SESN2: variants seen among roughly 807,000 people sequenced by gnomAD.
The protein encoded by SESN2 is sestrin 2.
Under a neutral mutation model 56.0 loss-of-function variants are expected in SESN2, and 42 were observed. The ratio of observed to expected loss-of-function variants is 0.75; its 90% CI spans 0.59 to 0.97. SESN2 has a LOEUF of 0.97. Among genes scored for constraint, SESN2 ranks in the 50% least tolerant of loss-of-function variants. The pLI, the probability that SESN2 is intolerant of heterozygous loss-of-function variation, is 0.00. For synonymous variants in SESN2, 264 were observed against 267.1 expected, an observed-to-expected ratio of 0.99 and a Z score of 0.11; for missense variants, 507 against 649.4, an observed-to-expected ratio of 0.78 and a Z score of 2.38.
intron 8 of SESN2, 100 bp downstream of exon 8, chr1:28,275,115 T>C (rs1647985050): frequency 1.2e-6 from 1 of 847,984 alleles, no homozygotes; most frequent in Non-Finnish European, 1.8e-6. Context: ...TCTTTTCCTT[T>C]CTTCTTGCCT....
At chr1:28,275,474 G>T (rs1648001639) in intron 8 of SESN2, among the ~76,000 whole-genome samples, 2 of 152,198 alleles carry the variant, frequency 1.3e-5, no homozygotes, top group Non-Finnish European at 2.9e-5. Flanking sequence ...ATTACAATAG[G>T]CTGGGCGCAG....
chr1:28,274,487 C>T (rs987933785), intron 7 of SESN2, among the ~76,000 whole-genome samples: 14 of 151,916 alleles, frequency 9.2e-5, no homozygotes, highest in African/African-American at 2.7e-4. Flanking sequence ...GCTGTGATCG[C>T]GCTACTGCGC....
intron 8 of SESN2, among the ~76,000 whole-genome samples, chr1:28,276,878 CTTTTTTTTTT>C (rs56403975): frequency 8.5e-6 from 1 of 117,976 alleles, no homozygotes; most frequent in African/African-American, 3.2e-5. Context: ...TGCGCCCAGC[CTTTTTTTTTT>C]TTTTTTTTTA....
chr1:28,279,306 G>A (rs1338574505), intron 9 of SESN2, 65 bp downstream of exon 9: 52 of 1,567,498 alleles, frequency 3.3e-5, no homozygotes, highest in Non-Finnish European at 4.2e-5. Context: ...AGGGCAAGGG[G>A]TTAGGACCCA....
chr1:28,274,790 C>T, intron 7 of SESN2, 35 bp from the exon 8 acceptor site: 1 of 1,556,378 alleles, frequency 6.4e-7, no homozygotes, highest in South Asian at 1.2e-5. Flanking sequence ...GTCTTGGGCT[C>T]CAAAGACTCA....
chr1:28,275,124 C>G (rs1209824053), intron 8 of SESN2, 109 bp downstream of exon 8: 15 of 783,910 alleles, frequency 1.9e-5, no homozygotes, highest in Non-Finnish European at 2.9e-5. Context: ...TTCTTCTTGC[C>G]TATACTGTTT....
At chr1:28,263,486 G>A (rs538942800) in intron 1 of SESN2, among the ~76,000 whole-genome samples, 1 of 152,164 alleles carries the variant, frequency 6.6e-6, no homozygotes. Context: ...TCTGAATTCA[G>A]CTGGGGGTGA....
chr1:28,266,032 G>C (rs957016855), intron 1 of SESN2, among the ~76,000 whole-genome samples: 2 of 152,176 alleles, frequency 1.3e-5, no homozygotes, highest in African/African-American at 4.8e-5. Flanking sequence ...TGAAGGCCAA[G>C]GGCTTTGTCT....
intron 1 of SESN2, among the ~76,000 whole-genome samples, 159 bp downstream of exon 1, chr1:28,260,096 C>T (rs1647315826): frequency 6.6e-6 from 1 of 151,154 alleles, no homozygotes; most frequent in African/African-American, 2.4e-5. Flanking sequence ...CCGCGGCCCT[C>T]GGCACCCCTC....
chr1:28,270,777 C>G (rs890288007), intron 2 of SESN2, among the ~76,000 whole-genome samples: 27 of 152,168 alleles, frequency 1.8e-4, no homozygotes, highest in Admixed American at 9.2e-4. Flanking sequence ...CCATGTTGGT[C>G]AGGCTGGTCT....
Position 28,271,775 on chromosome 1 carries a change from C to T in SESN2, c.258C>T (p.His86=), listed in dbSNP as rs756384185. The T allele has an allele frequency of 2.5e-6, 4 of 1,614,156 alleles. No homozygotes were observed. Among genetic ancestry groups the T allele is most frequent in the South Asian group, 1.1e-5 (1 of 91,086 alleles). Residue 86 remains histidine (H), a synonymous_variant, in exon 3 of 10, where the codon CAC becomes CAT. Transcript: ENST00000253063. Reference sequence around the variant, plus strand: ...ACCTGGCAGTGGTGATGGGCCTGCACCCTGACTACTTTACCAGCTTCTGGC... The same window carrying T: ...ACCTGGCAGTGGTGATGGGCCTGCATCCTGACTACTTTACCAGCTTCTGGC... ...VDNLAVVMGL[H]PDYFTSFWRL...
At chr1:28,264,935 A>G (rs114598509) in intron 1 of SESN2, among the ~76,000 whole-genome samples, 51 of 152,302 alleles carry the variant, frequency 3.3e-4, no homozygotes, top group African/African-American at 1.0e-3. Context: ...CCTGGAGACT[A>G]TTGAGACCTT....
chr1:28,277,977 C>A (rs1648108687), intron 8 of SESN2, among the ~76,000 whole-genome samples: 1 of 152,182 alleles, frequency 6.6e-6, no homozygotes, highest in South Asian at 2.1e-4. Flanking sequence ...CCAAATCTGC[C>A]CTCCAGTTTC....
chr1:28,274,041 T>C lies in SESN2; in HGVS notation c.903T>C (p.Ala301=). ...KSESLLVTPS[A]DILEPSPHPD... ...CTGTGACCTCTTTCTGGTCCTCAGC[T>C]GACATCCTGGAGCCCTCTCCACACC... Residue 301 remains alanine, a splice_region_variant and synonymous_variant, in exon 7 of 10, where the codon GCT becomes GCC. Transcript: ENST00000253063. 6.2e-7 allele frequency: 1 copy of C among 1,607,826 alleles called. No homozygotes were observed. Among genetic ancestry groups the C allele is most frequent in the Non-Finnish European group, 8.5e-7 (1 of 1,174,258 alleles).
intron 6 of SESN2, 122 bp downstream of exon 6, chr1:28,273,630 T>G: frequency 1.0e-6 from 1 of 973,412 alleles, no homozygotes; most frequent in Non-Finnish European, 1.5e-6. Flanking sequence ...CAAGAGGTTC[T>G]GAGCATGGGC....
chr1:28,282,033 C>G lies in SESN2; in HGVS notation c.*1231C>G, dbSNP rs376006959. Reference sequence around the variant, plus strand: ...CCCAGTATCTCATCTGTCCCCTCTCCTGGGGCTTAAGTGGGTTGCTTCCAG... The same window carrying G: ...CCCAGTATCTCATCTGTCCCCTCTCGTGGGGCTTAAGTGGGTTGCTTCCAG... On this transcript the variant is annotated 3_prime_UTR_variant, in exon 10 of 10. Transcript: ENST00000253063. The G allele has an allele frequency of 3.9e-5, 6 of 152,446 alleles. No homozygotes were observed. In the East Asian group the frequency reaches 1.2e-3, roughly 29 times the overall value. The allele number at this position is 152,446 out of a possible 1,614,324, so 9.4% of individuals were successfully genotyped here.
intron 8 of SESN2, among the ~76,000 whole-genome samples, chr1:28,278,424 G>A (rs1340462820): frequency 6.6e-6 from 1 of 152,056 alleles, no homozygotes; most frequent in Non-Finnish European, 1.5e-5. Flanking sequence ...AAAATTAGCC[G>A]GGCACAGTGG....
chr1:28,269,497 A>G (rs1295966064), intron 2 of SESN2, among the ~76,000 whole-genome samples: 1 of 151,036 alleles, frequency 6.6e-6, no homozygotes, highest in South Asian at 2.1e-4. Context: ...TTTTTTTTTC[A>G]TGCTCAAACT....
intron 8 of SESN2, 55 bp downstream of exon 8, chr1:28,275,070 G>T: frequency 3.1e-6 from 4 of 1,270,848 alleles, no homozygotes; most frequent in South Asian, 1.7e-5. Flanking sequence ...CTTCACTCTG[G>T]GTTCACAGTT....
Sources: allele counts gnomAD v4.1 joint callset (sites outside exome capture counted in the v4.1 genomes callset), GRCh38; gene constraint gnomAD v4.1.1; transcripts MANE v1.5; gene names NCBI Gene and HGNC (gene_info 2026-07-23, HGNC 2026-07-21).